The following IYD variants were observed in gnomAD, a reference collection of about 807,000 sequenced individuals.
IYD encodes iodotyrosine deiodinase.
In IYD, 25 loss-of-function variants were observed where a neutral mutation model predicts 28.4. That is an observed-to-expected ratio of 0.88 (90% CI 0.64 to 1.23). The LOEUF is 1.23. Among genes scored for constraint, IYD ranks in the 50% most tolerant of loss-of-function variants. IYD has a pLI of 0.00. For synonymous variants in IYD, 140 were observed against 130.8 expected (o/e 1.07, Z -0.48); for missense variants, 352 against 357.9 (o/e 0.98, Z 0.13).
Position 150,389,458 on chromosome 6 carries a change from A to C in IYD, c.285A>C (p.Glu95Asp). 6.2e-7 allele frequency: 1 copy of C among 1,613,884 alleles called. No individual in the cohort carries two copies. Among genetic ancestry groups the C allele is most frequent in the Non-Finnish European group, 8.5e-7 (1 of 1,179,792 alleles). The stretch of plus-strand genomic sequence containing the variant: ...TTAAGAGGTCTCAGGAATTTTATGA[A>C]CTTCTCAATAAGAGACGGTCAGTCA... Reference protein sequence around the residue: ...EMVKRSQEFYELLNKRRSVRF... With the variant: ...EMVKRSQEFYDLLNKRRSVRF... The change falls in exon 2 of 5, where the codon GAA becomes GAC. Residue 95 changes from glutamate to aspartate, a missense_variant. By Grantham distance (45) the Glu-to-Asp change is conservative. Transcript: ENST00000344419.
chr6:150,397,208 A>G (rs941695336), intron 4 of IYD, among the ~76,000 whole-genome samples: 1 of 152,188 alleles, frequency 6.6e-6, no homozygotes, highest in African/African-American at 2.4e-5. Context: ...TCAAATGCCA[A>G]TATTAGAGTT....
intron 4 of IYD, chr6:150,396,621 T>G (rs1376014308): frequency 2.0e-6 from 1 of 491,828 alleles, no homozygotes; most frequent in Non-Finnish European, 3.6e-6. Flanking sequence ...ACGCCTCTAA[T>G]CCCAGCACTT....
rs1778557717 is a variant in IYD at position 150,403,168 on chromosome 6, T to A, written c.*4931T>A. 6.6e-6 allele frequency: 1 copy of A among 152,230 alleles called. No homozygotes were observed. The highest frequency in any genetic ancestry group is 1.5e-5 in the Non-Finnish European group (1 of 68,046). The allele number at this position is 152,230 out of a possible 1,614,324, so 9.4% of individuals were successfully genotyped here. A position where few individuals can be genotyped will look rare whatever the true frequency, so the allele number is the denominator to read the frequency against. On this transcript the variant is annotated 3_prime_UTR_variant, in exon 5 of 5. Coordinates refer to ENST00000344419, the MANE Select transcript of IYD (RefSeq NM_203395.3). The stretch of plus-strand genomic sequence containing the variant: ...TTTTAAAAGACATTTTGTAAGCATC[T>A]TTTAGGAATATCAGTAAGTGGAAGA...
intron 4 of IYD, chr6:150,395,705 A>G (rs897937064): frequency 5.3e-6 from 4 of 758,186 alleles, no homozygotes; most frequent in African/African-American, 3.4e-5. Flanking sequence ...CATCTCCAGT[A>G]TGGTGACTGG....
At position 150,389,390 on chromosome 6, in the gene IYD, C is replaced by T. The variant is rs778799972; in HGVS notation, c.217C>T (p.His73Tyr). Residue 73 changes from histidine to tyrosine, a missense_variant, in exon 2 of 5, where the codon CAC becomes TAC. By Grantham distance (83) the His-to-Tyr change is moderately conservative. Transcript: ENST00000344419. The part of the protein sequence containing the change: ...EWQESEENVE[H>Y]IPFSHNHYPE... ...GCAAGAATCAGAAGAAAATGTTGAA[C>T]ACATCCCCTTCTCTCATAACCACTA... 1 of 1,613,796 alleles carries T rather than the reference C, an allele frequency of 6.2e-7. No individual in the cohort carries two copies. Among genetic ancestry groups the T allele is most frequent in the Non-Finnish European group, 8.5e-7 (1 of 1,179,762 alleles).
chr6:150,378,381 C>T (rs537019632), intron 1 of IYD, among the ~76,000 whole-genome samples: 4 of 151,982 alleles, frequency 2.6e-5, no homozygotes, highest in African/African-American at 9.7e-5. Context: ...TTCCTGTGTC[C>T]ATGTGTTCTC....
intron 2 of IYD, 82 bp from the exon 3 acceptor site, chr6:150,392,263 T>G: frequency 1.9e-6 from 3 of 1,604,632 alleles, no homozygotes; most frequent in Non-Finnish European, 2.5e-6. Context: ...GTGCTTGGAC[T>G]ACAGGGATGA....
Position 150,402,881 on chromosome 6 carries a change from A to G in IYD, c.*4644A>G, listed in dbSNP as rs191101538. 2 of 152,328 alleles carry G rather than the reference A, an allele frequency of 1.3e-5. No homozygotes were observed. The highest frequency in any genetic ancestry group is 3.9e-4 in the East Asian group (2 of 5,180). The allele number at this position is 152,328 out of a possible 1,614,324, so 9.4% of individuals were successfully genotyped here. On this transcript the variant is annotated 3_prime_UTR_variant, in exon 5 of 5. Transcript: ENST00000344419. ...TGCACATTTGCTCAAACCCCAGCAA[A>G]GTGCACCCCATTTTAAGCCAAATTT...
chr6:150,370,217 G>A (rs1777172603), intron 1 of IYD, among the ~76,000 whole-genome samples: 1 of 142,598 alleles, frequency 7.0e-6, no homozygotes. Context: ...ATGTGTGTGT[G>A]CGCGTGCGTG....
intron 1 of IYD, among the ~76,000 whole-genome samples, chr6:150,388,593 A>C (rs1777965352): frequency 6.8e-6 from 1 of 147,504 alleles, no homozygotes; most frequent in South Asian, 2.2e-4. Flanking sequence ...TTTTTGGTAA[A>C]ATTTTTCTTT....
rs142862233 is a variant in IYD, at chr6:150,369,296, A to G, written c.178+87A>G. The G allele has an allele frequency of 4.6e-4, 601 of 1,307,398 alleles. 2 individuals carry two copies. In the African/African-American group the frequency reaches 7.2e-3, roughly 16 times the overall value. The allele number at this position is 1,307,398 out of a possible 1,614,324, so 81.0% of individuals were successfully genotyped here. A position where few individuals can be genotyped will look rare whatever the true frequency, so the allele number is the denominator to read the frequency against. ...TCAATGGCAGGGCTTATGGAGAGGA[A>G]GAAACACACACAGGCCAGCTTCAAC... On this transcript the variant is annotated intron_variant, in intron 1 of 4. Transcript: ENST00000344419.
intron 1 of IYD, among the ~76,000 whole-genome samples, chr6:150,371,849 GT>G (rs1777252242): frequency 6.6e-6 from 1 of 152,130 alleles, no homozygotes; most frequent in East Asian, 1.9e-4. Context: ...CTCTTATGTT[GT>G]TTACATAAGT....
At chr6:150,390,722 C>G (rs1778082326) in intron 2 of IYD, among the ~76,000 whole-genome samples, 1 of 152,182 alleles carries the variant, frequency 6.6e-6, no homozygotes, top group African/African-American at 2.4e-5. Flanking sequence ...CCCTTGGGAA[C>G]AGTGGGCCAT....
intron 1 of IYD, among the ~76,000 whole-genome samples, chr6:150,386,166 G>T (rs1052542533): frequency 6.6e-6 from 1 of 151,554 alleles, no homozygotes; most frequent in African/African-American, 2.4e-5. Flanking sequence ...TTTTATTTGG[G>T]TATTTTTTCT....
At chr6:150,376,212 T>A (rs1407437826) in intron 1 of IYD, among the ~76,000 whole-genome samples, 1 of 152,182 alleles carries the variant, frequency 6.6e-6, no homozygotes, top group Non-Finnish European at 1.5e-5. Context: ...CTGCTCCTGC[T>A]AGCGAAATAT....
chr6:150,378,977 G>T (rs995856088), intron 1 of IYD, among the ~76,000 whole-genome samples: 1 of 152,164 alleles, frequency 6.6e-6, no homozygotes, highest in Non-Finnish European at 1.5e-5. Flanking sequence ...CTTCCAGAGG[G>T]CTCCAAATGG....
chr6:150,378,475 C>T (rs1330467977), intron 1 of IYD, among the ~76,000 whole-genome samples: 1 of 152,048 alleles, frequency 6.6e-6, no homozygotes, highest in Non-Finnish European at 1.5e-5. Flanking sequence ...TAATGATTTC[C>T]AATTTCATCC....
intron 4 of IYD, 111 bp downstream of exon 4, chr6:150,394,366 G>C (rs569528791): frequency 8.7e-7 from 1 of 1,148,320 alleles, no homozygotes; most frequent in African/African-American, 1.5e-5. Context: ...GAATTCCTAA[G>C]TGAGGTAACT....
At chr6:150,377,300 G>C (rs1777481800) in intron 1 of IYD, among the ~76,000 whole-genome samples, 1 of 152,172 alleles carries the variant, frequency 6.6e-6, no homozygotes, top group South Asian at 2.1e-4. Flanking sequence ...AAAACAAAGG[G>C]GTTACACAGT....
Sources: gnomAD v4.1 joint callset for allele counts (sites outside exome capture counted in the v4.1 genomes callset) on GRCh38, gnomAD v4.1.1 for gene constraint, MANE v1.5 for transcripts, NCBI Gene and HGNC (gene_info 2026-07-23, HGNC 2026-07-21) for gene names.